The following PRIM2 variants were observed in gnomAD, a reference collection of about 807,000 sequenced individuals.
The protein encoded by PRIM2 is DNA primase subunit 2, also known as DNA primase large subunit.
PRIM2 carries 39 observed loss-of-function variants against 67.3 expected under a neutral mutation model. The observed-to-expected ratio is 0.58, with a 90% CI of 0.45 to 0.76. The LOEUF (loss-of-function observed/expected upper bound fraction) is 0.76, where lower values mean the gene tolerates loss of function less well. Ranked by LOEUF, PRIM2 falls within the 30% of genes least tolerant of loss-of-function variation. The pLI, the probability that PRIM2 is intolerant of heterozygous loss-of-function variation, is 0.00. For synonymous variants in PRIM2, 143 were observed against 198.7 expected, an observed-to-expected ratio of 0.72 and a Z score of 2.36; for missense variants, 398 against 598.7, an observed-to-expected ratio of 0.66 and a Z score of 3.50.
At chr6:57,284,764 A>T in the PRIM2 span, among the ~76,000 whole-genome samples, 1 of 152,204 alleles carries the variant, frequency 6.6e-6, no homozygotes, top group African/African-American at 2.4e-5. Flanking sequence ...TTTTAGACTC[A>T]GCAATTTCAA....
the PRIM2 span, among the ~76,000 whole-genome samples, chr6:57,250,854 A>G: frequency 2.0e-5 from 3 of 152,346 alleles, no homozygotes; most frequent in Admixed American, 6.5e-5. Flanking sequence ...AAATGCTCCA[A>G]AATTAAAAAC....
At chr6:57,303,230 T>C in the PRIM2 span, among the ~76,000 whole-genome samples, 1 of 152,230 alleles carries the variant, frequency 6.6e-6, no homozygotes, top group African/African-American at 2.4e-5. Flanking sequence ...TGCTAGATGA[T>C]GCTTTGCTGA....
At position 57,521,900 on chromosome 6, in the gene PRIM2, A is replaced by C. The variant is rs1554348961; in HGVS notation, c.762-10511A>C. On this transcript the variant is annotated intron_variant, in intron 8 of 13. Transcript: ENST00000615550. ...CCTGAGGATGAGGGAGGAATTCTTT[A>C]CACTCTGGCTTAGGATTTTGCTGTA... Among the ~76,000 whole-genome samples the C allele has an allele frequency of 5.3e-3, 803 of 150,858 alleles. 4 individuals are homozygous for C. Among genetic ancestry groups the C allele is most frequent in the Middle Eastern group, 0.017 (5 of 294 alleles).
chr6:57,542,655 TATTA>T (rs1775187600), intron 10 of PRIM2, among the ~76,000 whole-genome samples: 1 of 152,098 alleles, frequency 6.6e-6, no homozygotes. Context: ...TTTATTAGCT[TATTA>T]ATTACAGCAA....
intron 7 of PRIM2, among the ~76,000 whole-genome samples, chr6:57,502,362 A>G (rs1316930123): frequency 1.3e-5 from 2 of 152,142 alleles, no homozygotes; most frequent in Non-Finnish European, 2.9e-5. Flanking sequence ...CAGTTTACCA[A>G]CATTCCCTCC....
chr6:57,269,318 T>C, the PRIM2 span, among the ~76,000 whole-genome samples: 18 of 152,264 alleles, frequency 1.2e-4, no homozygotes, highest in African/African-American at 4.3e-4. Flanking sequence ...TTTTTAATGA[T>C]CGCCATTCTA....
chr6:57,456,073 G>A (rs1202994306), intron 7 of PRIM2, among the ~76,000 whole-genome samples: 1 of 152,046 alleles, frequency 6.6e-6, no homozygotes, highest in Non-Finnish European at 1.5e-5. Flanking sequence ...ATGAAATTCT[G>A]GGTTGAAAAT....
chr6:57,326,893 CTTTTTTTTTTTTTTT>C (rs70989764), intron 5 of PRIM2, among the ~76,000 whole-genome samples: 5 of 131,474 alleles, frequency 3.8e-5, no homozygotes, highest in African/African-American at 5.9e-5. Flanking sequence ...GAATTTGTAT[CTTTTTTTTTTTTTTT>C]TTTTTTTTTT....
intron 5 of PRIM2, among the ~76,000 whole-genome samples, chr6:57,372,548 C>T (rs562041896): frequency 6.6e-6 from 1 of 152,298 alleles, no homozygotes; most frequent in African/African-American, 2.4e-5. Flanking sequence ...TTTCAACTTT[C>T]ATATAATAAA....
chr6:57,288,866 G>A, the PRIM2 span, among the ~76,000 whole-genome samples: 1 of 152,166 alleles, frequency 6.6e-6, no homozygotes, highest in African/African-American at 2.4e-5. Context: ...CAGAAAAGCT[G>A]AAAATTCCAA....
At chr6:57,606,881 AT>A (rs1220115908) in intron 12 of PRIM2, among the ~76,000 whole-genome samples, 1 of 152,166 alleles carries the variant, frequency 6.6e-6, no homozygotes, top group East Asian at 1.9e-4. Context: ...GAATGTTCTG[AT>A]AGGCATCAGT....
At chr6:57,254,723 G>GC in the PRIM2 span, among the ~76,000 whole-genome samples, 1 of 151,476 alleles carries the variant, frequency 6.6e-6, no homozygotes, top group Non-Finnish European at 1.5e-5. Flanking sequence ...AGTTTATTGG[G>GC]GGTCTGAAGA....
chr6:57,507,166 C>T (rs1774267276), intron 7 of PRIM2, among the ~76,000 whole-genome samples: 1 of 152,096 alleles, frequency 6.6e-6, no homozygotes, highest in Non-Finnish European at 1.5e-5. Context: ...TACTTTTAAA[C>T]TTAGTGACAT....
intron 7 of PRIM2, among the ~76,000 whole-genome samples, chr6:57,502,009 A>G (rs1774141508): frequency 6.6e-6 from 1 of 152,204 alleles, no homozygotes; most frequent in Non-Finnish European, 1.5e-5. Flanking sequence ...CTTTATTTCT[A>G]ACAATCAATT....
At chr6:57,319,942 T>G (rs1047587099) in intron 2 of PRIM2, among the ~76,000 whole-genome samples, 3 of 152,244 alleles carry the variant, frequency 2.0e-5, no homozygotes, top group Admixed American at 6.5e-5. Flanking sequence ...GATATGGTGC[T>G]TTAGGAACCT....
At chr6:57,266,517 A>C in the PRIM2 span, among the ~76,000 whole-genome samples, 1 of 152,234 alleles carries the variant, frequency 6.6e-6, no homozygotes, top group East Asian at 1.9e-4. Flanking sequence ...CGATTTGTTT[A>C]AGACCAAGTT....
rs1250725890 is a variant in PRIM2, at chr6:57,549,037, C to A, written c.1020+11412C>A. 1.4e-3 allele frequency among the ~76,000 whole-genome samples: 212 copies of A among 152,120 alleles called. 5 individuals carry two copies. In the East Asian group the frequency reaches 0.019, roughly 14 times the overall value. ...CACAATTTTATGGAATCCTTAAAACCATCTTAGGAGATAAGTATTATTTAT... is the reference window on the plus strand; with the variant it reads ...CACAATTTTATGGAATCCTTAAAACAATCTTAGGAGATAAGTATTATTTAT... On this transcript the variant is annotated intron_variant, in intron 10 of 13. Coordinates refer to ENST00000615550, the MANE Select transcript of PRIM2 (RefSeq NM_000947.5).
At chr6:57,632,230 A>T in intron 13 of PRIM2, 29 bp downstream of exon 13, 2 of 1,286,944 alleles carry the variant, frequency 1.6e-6, no homozygotes, top group Non-Finnish European at 2.1e-6. Context: ...TTTATATCCT[A>T]ATTATTTGTC....
chr6:57,595,767 G>T (rs1776355051), intron 10 of PRIM2, among the ~76,000 whole-genome samples: 1 of 152,144 alleles, frequency 6.6e-6, no homozygotes, highest in African/African-American at 2.4e-5. Context: ...CCCTCTCTGG[G>T]TGTTCCACCC....
Sources: gnomAD v4.1 joint callset for allele counts (sites outside exome capture counted in the v4.1 genomes callset) on GRCh38, gnomAD v4.1.1 for gene constraint, MANE v1.5 for transcripts, NCBI Gene and HGNC (gene_info 2026-07-23, HGNC 2026-07-21) for gene names.